Variants in MRPL45 observed in about 807,000 individuals in gnomAD.
MRPL45 encodes mitochondrial ribosomal protein L45, also known as large ribosomal subunit protein mL45.
In MRPL45, 20 loss-of-function variants were observed where a neutral mutation model predicts 38.1. The observed-to-expected ratio is 0.53, with a 90% confidence interval of 0.37 to 0.76. The LOEUF is 0.76. Among genes scored for constraint, MRPL45 ranks in the 30% least tolerant of loss-of-function variants. MRPL45 has a pLI of 0.00. For synonymous variants in MRPL45, 105 were observed against 128.8 expected (o/e 0.82, Z 1.25); for missense variants, 337 against 395.6 (o/e 0.85, Z 1.26).
intron 4 of MRPL45, among the ~76,000 whole-genome samples, chr17:38,313,377 TATATATAC>T (rs2037143500): frequency 0.022 from 458 of 20,536 alleles, 19 homozygotes; most frequent in African/African-American, 0.066. Context: ...CGTATATATA[TATATATAC>T]ATATATATAT....
chr17:38,313,314 A>ATATATATATATATATATATATATACG (rs1597652555), intron 4 of MRPL45, among the ~76,000 whole-genome samples: 1 of 1,444 alleles, frequency 6.9e-4, no homozygotes, highest in Non-Finnish European at 1.6e-3. Flanking sequence ...AAAAAAAAAT[A>ATATATATATATATATATATATATACG]TATATATATA....
At chr17:38,305,481 AAAG>A (rs1395290727) in intron 3 of MRPL45, among the ~76,000 whole-genome samples, 6 of 150,662 alleles carry the variant, frequency 4.0e-5, no homozygotes, top group Admixed American at 6.6e-5. Flanking sequence ...AAAAAAAAAA[AAAG>A]AAGCCCAGTG....
intron 1 of MRPL45, 94 bp downstream of exon 1, chr17:38,297,343 G>A (rs1416517996): frequency 5.6e-6 from 7 of 1,240,014 alleles, no homozygotes; most frequent in Non-Finnish European, 7.1e-6. Context: ...TGGTGAGCTG[G>A]GACAATACGA....
At chr17:38,321,093 C>T (rs543881237) in intron 6 of MRPL45, among the ~76,000 whole-genome samples, 1 of 152,268 alleles carries the variant, frequency 6.6e-6, no homozygotes, top group South Asian at 2.1e-4. Context: ...CCTCCCACCT[C>T]AGCCTCCAAG....
At chr17:38,321,224 C>A (rs2037226548) in intron 6 of MRPL45, among the ~76,000 whole-genome samples, 1 of 152,238 alleles carries the variant, frequency 6.6e-6, no homozygotes, top group African/African-American at 2.4e-5. Context: ...ATCCACCCAC[C>A]TCAGCCTCCC....
At chr17:38,315,459 G>A (rs1041393630) in intron 4 of MRPL45, among the ~76,000 whole-genome samples, 2 of 151,526 alleles carry the variant, frequency 1.3e-5, no homozygotes, top group Non-Finnish European at 2.9e-5. Flanking sequence ...GTAGAGACAG[G>A]GGTCTCGCTT....
At chr17:38,320,904 G>A (rs1597657382) in intron 6 of MRPL45, 137 bp downstream of exon 6, 1 of 803,586 alleles carries the variant, frequency 1.2e-6, no homozygotes, top group East Asian at 2.5e-5. Flanking sequence ...TCCTTGCTGT[G>A]CCGCTGTCCC....
intron 4 of MRPL45, among the ~76,000 whole-genome samples, chr17:38,308,479 T>A (rs1230628876): frequency 6.5e-4 from 98 of 151,358 alleles, no homozygotes; most frequent in Non-Finnish European, 1.2e-3. Flanking sequence ...CTTGCTCTGT[T>A]GCCCAGGCTG....
At chr17:38,312,341 C>T (rs1597651741) in intron 4 of MRPL45, among the ~76,000 whole-genome samples, 1 of 152,246 alleles carries the variant, frequency 6.6e-6, no homozygotes, top group East Asian at 1.9e-4. Context: ...CCACCGTGCC[C>T]AGCCACGTAT....
chr17:38,309,126 C>T (rs1438894290), intron 4 of MRPL45, among the ~76,000 whole-genome samples: 23 of 148,788 alleles, frequency 1.5e-4, no homozygotes, highest in Admixed American at 5.4e-4. Flanking sequence ...AGGCTGGTCT[C>T]GAACTCCTGA....
intron 4 of MRPL45, among the ~76,000 whole-genome samples, chr17:38,317,178 A>G (rs191656540): frequency 2.0e-5 from 3 of 152,298 alleles, no homozygotes; most frequent in African/African-American, 7.2e-5. Context: ...TGGAAAATGG[A>G]GTTTATTTCC....
intron 4 of MRPL45, among the ~76,000 whole-genome samples, chr17:38,313,287 T>C (rs2037132046): frequency 2.1e-5 from 2 of 94,266 alleles, no homozygotes; most frequent in South Asian, 8.5e-4. Flanking sequence ...CTAGCCACTT[T>C]CCTTTCTATT....
chr17:38,317,674 C>G (rs929740403), intron 4 of MRPL45, among the ~76,000 whole-genome samples: 2 of 151,946 alleles, frequency 1.3e-5, no homozygotes, highest in Admixed American at 6.6e-5. Flanking sequence ...CGGGTTCATG[C>G]CATTCTCCTG....
chr17:38,320,176 G>C (rs569961820), intron 5 of MRPL45, among the ~76,000 whole-genome samples: 2 of 152,272 alleles, frequency 1.3e-5, no homozygotes, highest in Admixed American at 1.3e-4. Flanking sequence ...GTCTTCCCCA[G>C]TCCTAGCAGT....
At chr17:38,318,859 C>T in intron 5 of MRPL45, 124 bp downstream of exon 5, 1 of 781,862 alleles carries the variant, frequency 1.3e-6, no homozygotes, top group Non-Finnish European at 2.1e-6. Flanking sequence ...CAGAGTTTCA[C>T]TCTTGTTGCC....
chr17:38,300,793 A>G (rs1676276523), intron 3 of MRPL45, among the ~76,000 whole-genome samples: 1 of 152,138 alleles, frequency 6.6e-6, no homozygotes, highest in African/African-American at 2.4e-5. Context: ...CTAAAAATGC[A>G]AAATTAGCCG....
intron 4 of MRPL45, among the ~76,000 whole-genome samples, chr17:38,309,393 G>A (rs946226697): frequency 6.6e-6 from 1 of 151,678 alleles, no homozygotes; most frequent in African/African-American, 2.4e-5. Flanking sequence ...GGTGGTGCAT[G>A]TGTGTAATCT....
intron 4 of MRPL45, among the ~76,000 whole-genome samples, chr17:38,313,322 A>G (rs1390000239): frequency 6.2e-5 from 1 of 16,236 alleles, no homozygotes; most frequent in Non-Finnish European, 1.1e-4. Context: ...ATATATATAT[A>G]TATATATATA....
intron 4 of MRPL45, among the ~76,000 whole-genome samples, chr17:38,318,216 A>C (rs1039124527): frequency 3.3e-5 from 5 of 151,104 alleles, no homozygotes; most frequent in Non-Finnish European, 7.4e-5. Context: ...CAAAAAAAAA[A>C]AAAAAAAAAA....
Sources: allele counts gnomAD v4.1 joint callset (sites outside exome capture counted in the v4.1 genomes callset), GRCh38; gene constraint gnomAD v4.1.1; transcripts MANE v1.5; gene names NCBI Gene and HGNC (gene_info 2026-07-23, HGNC 2026-07-21).